ACOXL: variants seen among roughly 807,000 people sequenced by gnomAD.
ACOXL encodes the protein acyl-coenzyme A oxidase-like protein.
Under a neutral mutation model 71.9 loss-of-function variants are expected in ACOXL, and 70 were observed. The observed-to-expected ratio is 0.97, with a 90% CI of 0.80 to 1.19. The LOEUF (loss-of-function observed/expected upper bound fraction) is 1.19. Ranked by LOEUF, ACOXL falls within the 50% of genes most tolerant of loss-of-function variation. The probability of loss-of-function intolerance (pLI) is 0.00; values close to 1 mark genes in which losing one functional copy is unlikely to be tolerated. For synonymous variants in ACOXL, 253 were observed against 281.6 expected, an observed-to-expected ratio of 0.90 and a Z score of 1.02; for missense variants, 703 against 736.3, an observed-to-expected ratio of 0.95 and a Z score of 0.52.
At chr2:110,921,454 G>A (rs1422237940) in intron 11 of ACOXL, among the ~76,000 whole-genome samples, 3 of 136,606 alleles carry the variant, frequency 2.2e-5, no homozygotes, top group Non-Finnish European at 3.0e-5. Flanking sequence ...GTGCAGTGGC[G>A]CCATCTCAGC....
chr2:111,105,559 TG>T (rs1266854027), intron 17 of ACOXL, among the ~76,000 whole-genome samples: 2 of 152,220 alleles, frequency 1.3e-5, no homozygotes, highest in Non-Finnish European at 2.9e-5. Context: ...CATGCTTTGT[TG>T]GATTACATCT....
rs139505303 is a variant in ACOXL at position 110,963,643 on chromosome 2, G to A, written c.1060-23465G>A. 4,279 of 1,610,670 alleles carry A rather than the reference G, an allele frequency of 2.7e-3. 38 individuals carry two copies. The highest frequency in any genetic ancestry group is 8.4e-3 in the South Asian group (760 of 90,998). On this transcript the variant is annotated intron_variant, in intron 12 of 17. Transcript: ENST00000439055. ...CAACAGGGTTACATGATGGAAAATC[G>A]AATCTCAGGCTTAAAGTGTGACACA...
intron 11 of ACOXL, among the ~76,000 whole-genome samples, chr2:110,925,853 CTTTTTT>C (rs59794309): frequency 1.7e-5 from 2 of 121,024 alleles, no homozygotes; most frequent in Non-Finnish European, 1.7e-5. Flanking sequence ...TTACTTCTAG[CTTTTTT>C]TTTTTTTTTT....
intron 16 of ACOXL, 42 bp from the exon 17 acceptor site, chr2:111,092,820 TATA>T: frequency 7.5e-7 from 1 of 1,336,010 alleles, no homozygotes; most frequent in Admixed American, 1.8e-5. Context: ...TGTTTTCTAA[TATA>T]TTGCTATTTG....
intron 16 of ACOXL, among the ~76,000 whole-genome samples, chr2:111,050,019 C>T (rs1055163873): frequency 6.6e-6 from 1 of 151,888 alleles, no homozygotes; most frequent in Non-Finnish European, 1.5e-5. Flanking sequence ...ACTTTCCCAC[C>T]ACTAAGACTC....
At chr2:111,108,312 T>G (rs2150071810) in intron 17 of ACOXL, among the ~76,000 whole-genome samples, 1 of 152,050 alleles carries the variant, frequency 6.6e-6, no homozygotes, top group African/African-American at 2.4e-5. Flanking sequence ...TTGTTTCCCT[T>G]TATTTTTCTT....
intron 10 of ACOXL, among the ~76,000 whole-genome samples, chr2:110,874,968 C>T (rs933328644): frequency 6.6e-6 from 1 of 152,094 alleles, no homozygotes; most frequent in Admixed American, 6.5e-5. Flanking sequence ...TTCTCACTGA[C>T]CTTGTTCCCT....
intron 17 of ACOXL, among the ~76,000 whole-genome samples, chr2:111,106,375 T>G: frequency 6.6e-6 from 1 of 152,202 alleles, no homozygotes; most frequent in East Asian, 1.9e-4. Flanking sequence ...CTCCTTTGTA[T>G]CTACTTTTCC....
At chr2:110,957,022 G>T (rs1239532786) in intron 12 of ACOXL, among the ~76,000 whole-genome samples, 1 of 152,102 alleles carries the variant, frequency 6.6e-6, no homozygotes, top group East Asian at 1.9e-4. Context: ...TGAGGATTCT[G>T]CTGGTGTTTG....
chr2:110,984,769 C>A (rs760458315), intron 12 of ACOXL, among the ~76,000 whole-genome samples: 1 of 152,114 alleles, frequency 6.6e-6, no homozygotes, highest in South Asian at 2.1e-4. Flanking sequence ...AGGAATTGGA[C>A]GTATTGGATG....
At chr2:110,855,596 C>T (rs1413784265) in intron 10 of ACOXL, among the ~76,000 whole-genome samples, 1 of 152,216 alleles carries the variant, frequency 6.6e-6, no homozygotes, top group Non-Finnish European at 1.5e-5. Flanking sequence ...GCAGTAATTT[C>T]CCTTTACCCA....
Position 110,841,396 on chromosome 2 carries a change from A to G in ACOXL, c.779A>G (p.Tyr260Cys), listed in dbSNP as rs746138126. 20 of 1,609,874 alleles carry G rather than the reference A, an allele frequency of 1.2e-5. No homozygotes were observed. Among genetic ancestry groups the G allele is most frequent in the Non-Finnish European group, 1.7e-5 (20 of 1,177,356 alleles). Residue 260 changes from tyrosine to cysteine, a missense_variant, in exon 10 of 18, where the codon TAT becomes TGT. Tyr to Cys is a radical substitution (Grantham distance 194, BLOSUM62 -2). Transcript: ENST00000439055. ...MKLGLTIAIR[Y>C]SHSRRQFGPK... ...CTTGGGTTGACGATAGCCATTCGCT[A>G]TAGCCACAGGTAAATGTTTACATTT... is the stretch of plus-strand genomic sequence containing the variant.
chr2:110,752,551 T>A (rs1348114639), intron 1 of ACOXL, among the ~76,000 whole-genome samples: 1 of 150,984 alleles, frequency 6.6e-6, no homozygotes, highest in Non-Finnish European at 1.5e-5. Flanking sequence ...TTGAGGGGGA[T>A]CTTGTATGCT....
chr2:110,833,664 C>T (rs1690113669), intron 9 of ACOXL, among the ~76,000 whole-genome samples: 1 of 152,118 alleles, frequency 6.6e-6, no homozygotes, highest in Non-Finnish European at 1.5e-5. Context: ...AATAAACAGC[C>T]TGATTTAAAA....
At chr2:110,904,505 G>A (rs1436925239) in intron 10 of ACOXL, among the ~76,000 whole-genome samples, 4 of 152,190 alleles carry the variant, frequency 2.6e-5, no homozygotes, top group Non-Finnish European at 2.9e-5. Context: ...AAGACTGAGC[G>A]GGCCTTCCCT....
chr2:110,859,887 A>G (rs1276916932), intron 10 of ACOXL, among the ~76,000 whole-genome samples: 1 of 152,032 alleles, frequency 6.6e-6, no homozygotes, highest in African/African-American at 2.4e-5. Context: ...GAGGGAAGAG[A>G]GGAGGCGGCT....
intron 17 of ACOXL, among the ~76,000 whole-genome samples, chr2:111,104,782 T>A (rs1184975146): frequency 6.6e-6 from 1 of 152,154 alleles, no homozygotes; most frequent in Non-Finnish European, 1.5e-5. Context: ...GCCTTCTTAC[T>A]CTTTTAATAT....
At chr2:111,116,724 T>C (rs2070379368) in intron 17 of ACOXL, among the ~76,000 whole-genome samples, 1 of 151,844 alleles carries the variant, frequency 6.6e-6, no homozygotes, top group Non-Finnish European at 1.5e-5. Context: ...TGGAGTACAA[T>C]GTGTAGATCA....
intron 12 of ACOXL, among the ~76,000 whole-genome samples, chr2:110,976,438 A>G (rs774858944): frequency 1.3e-5 from 2 of 152,258 alleles, no homozygotes; most frequent in African/African-American, 4.8e-5. Context: ...GTTGCTTTGA[A>G]TGTAAAATTT....
Sources: allele counts gnomAD v4.1 joint callset (sites outside exome capture counted in the v4.1 genomes callset), GRCh38; gene constraint gnomAD v4.1.1; transcripts MANE v1.5; gene names NCBI Gene and HGNC (gene_info 2026-07-23, HGNC 2026-07-21).